Variants in MRE11 observed in about 807,000 individuals in gnomAD.
The protein encoded by MRE11 is double-strand break repair protein MRE11.
Under a neutral mutation model 91.7 loss-of-function variants are expected in MRE11, and 62 were observed. That is an observed-to-expected ratio of 0.68 (90% CI 0.55 to 0.84). The LOEUF is 0.84. Ranked by LOEUF, MRE11 falls within the 40% of genes least tolerant of loss-of-function variation. The pLI, the probability that MRE11 is intolerant of heterozygous loss-of-function variation, is 0.00. For synonymous variants in MRE11, 273 were observed against 271.4 expected (o/e 1.01, Z -0.06); for missense variants, 796 against 852.9 (o/e 0.93, Z 0.83).
intron 13 of MRE11, among the ~76,000 whole-genome samples, chr11:94,457,609 G>A (rs1343891341): frequency 6.6e-6 from 1 of 151,982 alleles, no homozygotes; most frequent in Non-Finnish European, 1.5e-5. Flanking sequence ...AGAAATGAGA[G>A]TCAGAGTGGG....
chr11:94,454,017 A>G lies in MRE11; in HGVS notation c.1563+2259T>C, dbSNP rs192636661. ...ATGGTTACTGTTTGCTCTTTTATTC[A>G]AATATGAATTTATCATTAAAGAAAA... On this transcript the variant is annotated intron_variant, in intron 14 of 19. Transcript: ENST00000323929. Among the ~76,000 whole-genome samples, 3 of 152,324 alleles carry G rather than the reference A, an allele frequency of 2.0e-5. No individual in the cohort carries two copies. The East Asian group carries it at 5.8e-4, about 29-fold the overall frequency.
chr11:94,419,453 C>CG lies in MRE11; in HGVS notation c.*671dup, dbSNP rs1165912193. The CG allele has an allele frequency of 4.0e-5, 7 of 173,108 alleles. No individual in the cohort carries two copies. The highest frequency in any genetic ancestry group is 1.5e-4 in the East Asian group (2 of 13,690). 10.7% of individuals were successfully genotyped at this position (173,108 alleles called of 1,614,324 possible). On this transcript the variant is annotated 3_prime_UTR_variant, in exon 20 of 20. Transcript: ENST00000323929. ...CAAAGGAGAAAGGAAGAGTGGGGAACGGGGGGGAGAGGGAGAGAGAGAGAG... is the reference window on the plus strand; with the variant it reads ...CAAAGGAGAAAGGAAGAGTGGGGAACGGGGGGGGAGAGGGAGAGAGAGAGAG...
At position 94,471,726 on chromosome 11, in the gene MRE11, T is replaced by C. The variant is rs1946719966; in HGVS notation, c.693A>G (p.Glu231=). The change falls in exon 8 of 20, where the codon GAA becomes GAG. Residue 231 remains glutamate (E), a synonymous_variant. Coordinates refer to ENST00000323929, the MANE Select transcript of MRE11 (RefSeq NM_005591.4). ...GATCAATGAAGTCATCCAAAAATTG[T>C]TCTGGAATGAAGTTAGTACTTCCAT... ...SKHGSTNFIP[E]QFLDDFIDLV... is the part of the protein sequence containing the mutation. The C allele has an allele frequency of 6.2e-7, 1 of 1,612,374 alleles. No individual in the cohort carries two copies. The highest frequency in any genetic ancestry group is 2.2e-5 in the East Asian group (1 of 44,796).
rs777183836 is a variant in MRE11, at chr11:94,478,760, G to C, written c.519C>G (p.Ser173Arg). ...CTAAACCATATAGCGCAATCTTTGT[G>C]CTTCCTTTTTGAAGCAAAACCGGAC... The part of the protein sequence containing the change: ...DISPVLLQKG[S>R]TKIALYGLGS... Residue 173 changes from serine (S) to arginine (R), a missense_variant, in exon 6 of 20, where the codon AGC becomes AGG. Transcript: ENST00000323929. The C allele has an allele frequency of 6.2e-7, 1 of 1,613,032 alleles. No individual in the cohort carries two copies. The highest frequency in any genetic ancestry group is 8.5e-7 in the Non-Finnish European group (1 of 1,179,844).
Position 94,467,810 on chromosome 11 carries a change from T to C in MRE11, c.1098+3A>G. On this transcript the variant is annotated splice_donor_region_variant and intron_variant, in intron 10 of 19. Coordinates refer to ENST00000323929, the MANE Select transcript of MRE11 (RefSeq NM_005591.4). ...ATATTCAATCTATATAAATAGGACT[T>C]ACTCGCAGTCGTACAAGAGGCTTCT... 6.2e-7 allele frequency: 1 copy of C among 1,605,960 alleles called. No homozygotes were observed.
intron 11 of MRE11, among the ~76,000 whole-genome samples, chr11:94,462,990 G>A (rs897135670): frequency 1.3e-5 from 2 of 152,192 alleles, no homozygotes; most frequent in Admixed American, 1.3e-4. Context: ...AGAGTGGACA[G>A]GCAACCTACA....
chr11:94,471,426 G>A, intron 8 of MRE11, 148 bp downstream of exon 8: 3 of 744,854 alleles, frequency 4.0e-6, no homozygotes, highest in Non-Finnish European at 6.5e-6. Flanking sequence ...AGACTACACA[G>A]AATGATCAAT....
At chr11:94,446,618 T>G (rs374411276) in intron 15 of MRE11, among the ~76,000 whole-genome samples, 4 of 152,270 alleles carry the variant, frequency 2.6e-5, no homozygotes, top group South Asian at 4.1e-4. Context: ...TGAACTGACA[T>G]AATGTGTGAG....
At chr11:94,485,347 A>G (rs939130008) in intron 4 of MRE11, among the ~76,000 whole-genome samples, 1 of 152,174 alleles carries the variant, frequency 6.6e-6, no homozygotes, top group Non-Finnish European at 1.5e-5. Flanking sequence ...AAAAAAAGAA[A>G]AACCAATAGA....
intron 6 of MRE11, among the ~76,000 whole-genome samples, chr11:94,477,104 A>C (rs1424906917): frequency 6.6e-6 from 1 of 152,214 alleles, no homozygotes; most frequent in Non-Finnish European, 1.5e-5. Flanking sequence ...AACCAGCAAA[A>C]TGTAGAATAA....
At chr11:94,428,393 T>C (rs945467182) in intron 19 of MRE11, among the ~76,000 whole-genome samples, 2 of 152,148 alleles carry the variant, frequency 1.3e-5, no homozygotes, top group Admixed American at 6.5e-5. Flanking sequence ...TAACTCAAGA[T>C]GAATTAAAGA....
chr11:94,451,997 G>C (rs910300459), intron 14 of MRE11, among the ~76,000 whole-genome samples: 6 of 152,096 alleles, frequency 3.9e-5, no homozygotes, highest in African/African-American at 1.4e-4. Flanking sequence ...CCTAAGGTAA[G>C]GAGTTTGAGA....
At chr11:94,456,254 G>T (rs751187385) in intron 14 of MRE11, 22 bp downstream of exon 14, 3 of 1,608,060 alleles carry the variant, frequency 1.9e-6, no homozygotes, top group Non-Finnish European at 2.6e-6. Context: ...ATAAACACAA[G>T]AATTTGCAGC....
chr11:94,435,430 T>C (rs1471115367), intron 18 of MRE11, among the ~76,000 whole-genome samples: 2 of 151,930 alleles, frequency 1.3e-5, no homozygotes, highest in Non-Finnish European at 2.9e-5. Context: ...GTGGTGCACG[T>C]CTGTAATCCC....
the MRE11 span, among the ~76,000 whole-genome samples, chr11:94,507,648 TTTTCA>T: frequency 6.6e-6 from 1 of 151,986 alleles, no homozygotes; most frequent in South Asian, 2.1e-4. Flanking sequence ...GGTTTGTTGA[TTTTCA>T]TTTCATTTTT....
intron 2 of MRE11, 32 bp downstream of exon 2, chr11:94,492,750 A>G: frequency 1.2e-6 from 2 of 1,613,628 alleles, no homozygotes; most frequent in Non-Finnish European, 1.7e-6. Flanking sequence ...GAAACCCCAA[A>G]TAACAAGGGA....
chr11:94,431,942 T>C (rs1945472590), intron 18 of MRE11, among the ~76,000 whole-genome samples: 1 of 152,044 alleles, frequency 6.6e-6, no homozygotes, highest in Non-Finnish European at 1.5e-5. Context: ...AATATCAGAA[T>C]AGCATTTTGA....
chr11:94,498,168 G>A (rs762735274), upstream of MRE11: 1 of 1,614,150 alleles, frequency 6.2e-7, no homozygotes, highest in South Asian at 1.1e-5. Flanking sequence ...GCCTACAGTG[G>A]ACACTTAGAT....
intron 13 of MRE11, among the ~76,000 whole-genome samples, chr11:94,457,895 A>T (rs1330610902): frequency 1.3e-5 from 2 of 150,230 alleles, no homozygotes; most frequent in Admixed American, 6.6e-5. Context: ...TCTCACACAC[A>T]CACACACACA....
Sources: allele counts gnomAD v4.1 joint callset (sites outside exome capture counted in the v4.1 genomes callset), GRCh38; gene constraint gnomAD v4.1.1; transcripts MANE v1.5; gene names NCBI Gene and HGNC (gene_info 2026-07-23, HGNC 2026-07-21).